RARB: variants seen among roughly 807,000 people sequenced by gnomAD.
The protein encoded by RARB is retinoic acid receptor beta.
A neutral mutation model predicts 51.9 loss-of-function variants in RARB; 17 were observed. The observed-to-expected ratio is 0.33, with a 90% confidence interval of 0.22 to 0.49. The LOEUF (loss-of-function observed/expected upper bound fraction) is 0.49, where lower values mean the gene tolerates loss of function less well. Ranked by LOEUF, RARB falls within the 20% of genes least tolerant of loss-of-function variation. The pLI, the probability that RARB is intolerant of heterozygous loss-of-function variation, is 0.99. For missense variants in RARB, 369 were observed against 550.8 expected (o/e 0.67, Z 3.30); for synonymous variants, 215 against 195.4 (o/e 1.10, Z -0.84).
At chr3:25,406,831 G>A (rs1575378111) in intron 5 of RARB, among the ~76,000 whole-genome samples, 2 of 152,112 alleles carry the variant, frequency 1.3e-5, no homozygotes, top group African/African-American at 2.4e-5. Context: ...TTGTGCTCAC[G>A]TATTTTACAT....
At chr3:25,212,263 A>G (rs1701717113) in intron 5 of RARB, among the ~76,000 whole-genome samples, 2 of 152,238 alleles carry the variant, frequency 1.3e-5, no homozygotes, top group Non-Finnish European at 2.9e-5. Context: ...AATATAGACT[A>G]TGCTAAATTG....
chr3:25,490,076 C>T (rs184627072), intron 2 of RARB, among the ~76,000 whole-genome samples: 1 of 152,300 alleles, frequency 6.6e-6, no homozygotes, highest in East Asian at 1.9e-4. Context: ...CAATAAATCC[C>T]TGTTATTTTT....
At chr3:25,119,485 C>G (rs1199005637) in intron 3 of RARB, among the ~76,000 whole-genome samples, 1 of 151,958 alleles carries the variant, frequency 6.6e-6, no homozygotes, top group Non-Finnish European at 1.5e-5. Flanking sequence ...TAGGATAGTC[C>G]TTGGTACAGA....
intron 2 of RARB, among the ~76,000 whole-genome samples, chr3:24,898,910 G>T (rs1216304522): frequency 6.6e-6 from 1 of 152,180 alleles, no homozygotes; most frequent in Non-Finnish European, 1.5e-5. Context: ...CTCAGTAACA[G>T]AGGGCTCTTC....
intron 5 of RARB, among the ~76,000 whole-genome samples, chr3:25,255,648 CTG>C (rs1460103347): frequency 1.3e-5 from 2 of 151,932 alleles, no homozygotes; most frequent in Non-Finnish European, 2.9e-5. Context: ...GAAAAACAAA[CTG>C]TAATTTTAGT....
chr3:25,022,860 A>T (rs564390580), intron 2 of RARB, among the ~76,000 whole-genome samples: 1 of 152,306 alleles, frequency 6.6e-6, no homozygotes, highest in Non-Finnish European at 1.5e-5. Flanking sequence ...AGGAGTGGAC[A>T]GTCGGAGATG....
At chr3:25,494,253 G>GCA (rs57081618) in intron 2 of RARB, among the ~76,000 whole-genome samples, 4,057 of 131,918 alleles carry the variant, frequency 0.031, 92 homozygotes, top group African/African-American at 0.061. Flanking sequence ...TGTATCTTAC[G>GCA]CACACACACA....
At chr3:25,183,618 A>G (rs1487693273) in intron 5 of RARB, among the ~76,000 whole-genome samples, 1 of 152,186 alleles carries the variant, frequency 6.6e-6, no homozygotes, top group African/African-American at 2.4e-5. Context: ...TGATCTTATT[A>G]TAATTATCAG....
chr3:25,022,957 C>T (rs1442646566), intron 2 of RARB, among the ~76,000 whole-genome samples: 3 of 152,170 alleles, frequency 2.0e-5, no homozygotes, highest in African/African-American at 7.2e-5. Context: ...AACAGAAGAT[C>T]ATCACCAGAC....
intron 3 of RARB, among the ~76,000 whole-genome samples, chr3:25,568,946 G>A (rs1202798588): frequency 1.3e-5 from 2 of 152,342 alleles, no homozygotes; most frequent in East Asian, 3.9e-4. Flanking sequence ...GGTCTGTGCT[G>A]CAGGAGGAAG....
At chr3:25,460,850 C>G (rs1695143343) in intron 1 of RARB, among the ~76,000 whole-genome samples, 1 of 152,216 alleles carries the variant, frequency 6.6e-6, no homozygotes, top group African/African-American at 2.4e-5. Context: ...TGTCTTGGCT[C>G]TACCACTGCT....
At chr3:24,997,225 C>T (rs746546061) in intron 2 of RARB, among the ~76,000 whole-genome samples, 10 of 151,962 alleles carry the variant, frequency 6.6e-5, no homozygotes, top group Non-Finnish European at 1.0e-4. Flanking sequence ...TTTTTTTGCT[C>T]GTTTTTATAG....
At chr3:25,002,051 A>G (rs747765663) in intron 2 of RARB, among the ~76,000 whole-genome samples, 7 of 152,114 alleles carry the variant, frequency 4.6e-5, no homozygotes, top group Non-Finnish European at 1.0e-4. Flanking sequence ...GATTACAGGC[A>G]TGAGCCACCA....
intron 5 of RARB, among the ~76,000 whole-genome samples, chr3:25,252,835 A>G (rs190792607): frequency 2.0e-5 from 3 of 152,268 alleles, no homozygotes; most frequent in Admixed American, 2.0e-4. Context: ...TGAAAGCCCA[A>G]CACACAAAGT....
Position 25,597,027 on chromosome 3 carries a change from T to TGAC in RARB, c.*412_*414dup, listed in dbSNP as rs1001474226. On this transcript the variant is annotated 3_prime_UTR_variant, in exon 8 of 8. Transcript: ENST00000330688. The stretch of plus-strand genomic sequence containing the variant: ...TTGTCTTGCATACTCAAAATAACCA[T>TGAC]GACACCAAGGTTATGAAATAGACTA... 6.3e-6 allele frequency: 1 copy of TGAC among 158,730 alleles called. No individual in the cohort carries two copies. The highest frequency in any genetic ancestry group is 1.4e-5 in the Non-Finnish European group (1 of 71,680). 9.8% of individuals were successfully genotyped at this position (158,730 alleles called of 1,614,324 possible).
At chr3:25,181,288 T>C (rs780738020) in intron 5 of RARB, among the ~76,000 whole-genome samples, 18 of 152,314 alleles carry the variant, frequency 1.2e-4, no homozygotes, top group Middle Eastern at 3.4e-3. Flanking sequence ...GTACCCACTG[T>C]GCATCGTAAG....
intron 3 of RARB, among the ~76,000 whole-genome samples, chr3:25,092,844 C>T (rs1699222701): frequency 6.6e-6 from 1 of 152,120 alleles, no homozygotes; most frequent in South Asian, 2.1e-4. Context: ...GTCATTTTTC[C>T]TTGTGCCCTT....
intron 5 of RARB, among the ~76,000 whole-genome samples, chr3:25,237,008 A>C (rs1385096613): frequency 1.4e-5 from 2 of 146,144 alleles, no homozygotes; most frequent in African/African-American, 5.0e-5. Context: ...TCCAGAACTG[A>C]GTCAGTCAAC....
intron 2 of RARB, among the ~76,000 whole-genome samples, chr3:24,942,128 T>C (rs780574959): frequency 7.2e-5 from 11 of 152,222 alleles, no homozygotes; most frequent in Non-Finnish European, 1.6e-4. Flanking sequence ...TTGTTCAAGG[T>C]CACACCGCTA....
Sources: allele counts gnomAD v4.1 joint callset (sites outside exome capture counted in the v4.1 genomes callset), GRCh38; gene constraint gnomAD v4.1.1; transcripts MANE v1.5; gene names NCBI Gene and HGNC (gene_info 2026-07-23, HGNC 2026-07-21).